The following DAB1 variants were observed in gnomAD, a reference collection of about 807,000 sequenced individuals.
The protein encoded by DAB1 is DAB adaptor protein 1, also known as disabled homolog 1.
DAB1 carries 15 observed loss-of-function variants against 64.6 expected under a neutral mutation model. The ratio of observed to expected loss-of-function variants is 0.23; its 90% CI spans 0.16 to 0.36. The LOEUF (loss-of-function observed/expected upper bound fraction) is 0.36, where lower values mean the gene tolerates loss of function less well. Ranked by LOEUF, DAB1 falls within the 10% of genes least tolerant of loss-of-function variation. The probability of loss-of-function intolerance (pLI) is 1.00; values close to 1 mark genes in which losing one functional copy is unlikely to be tolerated. For synonymous variants in DAB1, 235 were observed against 251.9 expected (o/e 0.93, Z 0.64); for missense variants, 596 against 706.7 (o/e 0.84, Z 1.78).
intron 1 of DAB1, among the ~76,000 whole-genome samples, chr1:57,410,429 T>C (rs542263253): frequency 6.6e-5 from 10 of 152,238 alleles, no homozygotes; most frequent in Non-Finnish European, 1.3e-4. Context: ...AACAGAACAA[T>C]TGAAGACATA....
chr1:56,998,227 G>T (rs1645707839), intron 14 of DAB1, 99 bp from the exon 15 acceptor site: 1 of 152,640 alleles, frequency 6.6e-6, no homozygotes, highest in Non-Finnish European at 1.5e-5. Context: ...ACAGAAAAGT[G>T]ACAGTTTATG....
At chr1:57,135,469 G>A (rs192389768) in intron 4 of DAB1, among the ~76,000 whole-genome samples, 2 of 152,268 alleles carry the variant, frequency 1.3e-5, no homozygotes, top group Non-Finnish European at 2.9e-5. Flanking sequence ...GAATTTCACT[G>A]TATGTATATA....
At chr1:57,011,527 A>C (rs184814770) in intron 12 of DAB1, among the ~76,000 whole-genome samples, 18 of 152,346 alleles carry the variant, frequency 1.2e-4, no homozygotes, top group Admixed American at 1.0e-3. Flanking sequence ...TCCTTGGACA[A>C]GCAGCAGCAG....
chr1:57,828,284 A>G (rs1039034907), intron 1 of DAB1, among the ~76,000 whole-genome samples: 5 of 152,206 alleles, frequency 3.3e-5, no homozygotes, highest in Non-Finnish European at 5.9e-5. Flanking sequence ...TGAAGTTCAG[A>G]GAGGTTAAAA....
chr1:57,770,527 T>A (rs1649512417), intron 6 of DAB1, among the ~76,000 whole-genome samples: 1 of 152,138 alleles, frequency 6.6e-6, no homozygotes, highest in Non-Finnish European at 1.5e-5. Context: ...GCATTGGGAT[T>A]GCAGGCATGA....
In DAB1 at chr1:58,300,664, GGA is replaced by G. The variant is rs1557726408; in HGVS notation, n.309+42686_309+42687del. ...AGAGAGAGAGGAAGGAAGGAAGGAA[GGA>G]AGGAAGGAAGGAAGGAAGGAAGGAA... On this transcript the variant is annotated intron_variant and non_coding_transcript_variant, in intron 4 of 20. Coordinates refer to the DAB1 transcript ENST00000485760. 8.3e-4 allele frequency among the ~76,000 whole-genome samples: 105 copies of G among 125,836 alleles called. 1 individual carries two copies. Among genetic ancestry groups the G allele is most frequent in the African/African-American group, 3.1e-3 (96 of 30,936 alleles). The allele number at this position is 125,836 out of a possible 152,430, so 82.6% of individuals were successfully genotyped here. A position where few individuals can be genotyped will look rare whatever the true frequency, so the allele number is the denominator to read the frequency against.
rs1446029232 is a variant in DAB1, at chr1:57,272,521, T to C, written c.67+18443A>G. ...CACCAAACTGAGGCACTTACATACA[T>C]GATTTCATCTAGTCTAAATTGTCTC... On this transcript the variant is annotated intron_variant, in intron 2 of 14. Transcript: ENST00000371236. 2.0e-5 allele frequency among the ~76,000 whole-genome samples: 3 copies of C among 152,224 alleles called. No homozygotes were observed. The East Asian group carries it at 5.8e-4, about 29-fold the overall frequency.
At chr1:57,771,051 C>T (rs752335376) in intron 6 of DAB1, among the ~76,000 whole-genome samples, 1 of 152,110 alleles carries the variant, frequency 6.6e-6, no homozygotes, top group Admixed American at 6.6e-5. Flanking sequence ...CGAAGTAAGT[C>T]GAAGCACAAG....
chr1:58,125,257 C>T (rs1381213121), intron 5 of DAB1, among the ~76,000 whole-genome samples: 1 of 151,938 alleles, frequency 6.6e-6, no homozygotes, highest in Non-Finnish European at 1.5e-5. Flanking sequence ...TTTGTTTGTA[C>T]AATGTAAAAA....
intron 4 of DAB1, among the ~76,000 whole-genome samples, chr1:58,198,338 T>C (rs1176349633): frequency 1.3e-5 from 2 of 152,230 alleles, no homozygotes; most frequent in African/African-American, 2.4e-5. Flanking sequence ...TGGGTATAAG[T>C]CTTAATCACG....
At chr1:58,438,231 A>G (rs1303305108) in intron 3 of DAB1, among the ~76,000 whole-genome samples, 1 of 152,156 alleles carries the variant, frequency 6.6e-6, no homozygotes, top group Non-Finnish European at 1.5e-5. Flanking sequence ...ATTCTGCCTA[A>G]TACATGGGGA....
intron 2 of DAB1, among the ~76,000 whole-genome samples, chr1:57,261,716 C>T (rs942824341): frequency 6.6e-6 from 1 of 152,210 alleles, no homozygotes; most frequent in Non-Finnish European, 1.5e-5. Context: ...AGACCACATG[C>T]TAGCAGAGTG....
chr1:57,549,323 T>C (rs1644889702), intron 7 of DAB1, among the ~76,000 whole-genome samples: 1 of 152,228 alleles, frequency 6.6e-6, no homozygotes, highest in African/African-American at 2.4e-5. Flanking sequence ...TGACACATAG[T>C]AGGTTTACAA....
chr1:58,098,598 C>G (rs982473105), intron 5 of DAB1, among the ~76,000 whole-genome samples: 1 of 152,138 alleles, frequency 6.6e-6, no homozygotes, highest in Non-Finnish European at 1.5e-5. Context: ...GTCCTAACCT[C>G]CAGTACCCTA....
intron 4 of DAB1, among the ~76,000 whole-genome samples, chr1:57,086,192 C>T (rs1451434458): frequency 6.6e-6 from 1 of 152,078 alleles, no homozygotes; most frequent in Non-Finnish European, 1.5e-5. Flanking sequence ...ATCTTTGCTG[C>T]AGTTAAGCCT....
chr1:57,889,906 G>GGC (rs1557539278), intron 5 of DAB1, among the ~76,000 whole-genome samples: 17 of 127,022 alleles, frequency 1.3e-4, no homozygotes, highest in African/African-American at 4.8e-4. Context: ...GGGCGGGGGG[G>GGC]GGGGAGGGGG....
chr1:58,528,711 G>A (rs1238296553), intron 1 of DAB1, among the ~76,000 whole-genome samples: 2 of 152,002 alleles, frequency 1.3e-5, no homozygotes, highest in Non-Finnish European at 2.9e-5. Context: ...TGTGTCATTC[G>A]GTCCTCACAA....
At chr1:58,488,281 A>G (rs1175431674) in intron 3 of DAB1, among the ~76,000 whole-genome samples, 3 of 152,124 alleles carry the variant, frequency 2.0e-5, no homozygotes, top group African/African-American at 7.2e-5. Flanking sequence ...TATTAATTTT[A>G]CTATACTATG....
chr1:58,295,161 C>G (rs753478936), intron 4 of DAB1, among the ~76,000 whole-genome samples: 2 of 152,034 alleles, frequency 1.3e-5, no homozygotes, highest in African/African-American at 2.4e-5. Context: ...TCTCCTCCTC[C>G]AAAATGTGAG....
Sources: gnomAD v4.1 joint callset for allele counts (sites outside exome capture counted in the v4.1 genomes callset) on GRCh38, gnomAD v4.1.1 for gene constraint, MANE v1.5 for transcripts, NCBI Gene and HGNC (gene_info 2026-07-23, HGNC 2026-07-21) for gene names.